The following BBS9 variants were observed in gnomAD, a reference collection of about 807,000 sequenced individuals.
BBS9 encodes the protein Bardet-Biedl syndrome 9, also known as protein PTHB1.
In BBS9, 89 loss-of-function variants were observed where a neutral mutation model predicts 117.7. That is an observed-to-expected ratio of 0.76 (90% CI 0.64 to 0.90). BBS9 has a LOEUF of 0.90. Ranked by LOEUF, BBS9 falls within the 40% of genes least tolerant of loss-of-function variation. The pLI is 0.00. For missense variants in BBS9, 982 were observed against 1,042.2 expected (o/e 0.94, Z 0.80); for synonymous variants, 379 against 370.9 (o/e 1.02, Z -0.25).
intron 1 of BBS9, among the ~76,000 whole-genome samples, chr7:33,135,885 GT>G (rs1790379314): frequency 6.6e-6 from 1 of 151,082 alleles, no homozygotes; most frequent in African/African-American, 2.4e-5. Context: ...CAGAGTATAA[GT>G]TTTACACTTC....
chr7:33,590,906 G>A (rs1041089786), intron 21 of BBS9, among the ~76,000 whole-genome samples: 4 of 151,960 alleles, frequency 2.6e-5, no homozygotes, highest in East Asian at 1.9e-4. Context: ...AAATTCTGAC[G>A]GTTTAGCTCC....
intron 9 of BBS9, among the ~76,000 whole-genome samples, chr7:33,279,916 C>G (rs958314720): frequency 6.6e-6 from 1 of 152,080 alleles, no homozygotes; most frequent in African/African-American, 2.4e-5. Flanking sequence ...CTGGAGATAT[C>G]AAATAAATAT....
At chr7:33,319,136 C>G (rs1199461716) in intron 9 of BBS9, among the ~76,000 whole-genome samples, 2 of 150,236 alleles carry the variant, frequency 1.3e-5, no homozygotes, top group African/African-American at 4.9e-5. Flanking sequence ...GCCCTCCAGC[C>G]TGGGTGACAG....
At chr7:33,193,413 T>C (rs980817297) in intron 5 of BBS9, among the ~76,000 whole-genome samples, 3 of 134,888 alleles carry the variant, frequency 2.2e-5, no homozygotes, top group African/African-American at 8.1e-5. Flanking sequence ...CCCCTGTCCC[T>C]CTCTCTGCCT....
intron 20 of BBS9, among the ~76,000 whole-genome samples, chr7:33,521,542 G>C (rs1221001687): frequency 6.6e-6 from 1 of 152,054 alleles, no homozygotes; most frequent in East Asian, 1.9e-4. Flanking sequence ...AATGGTACTG[G>C]GGAATGAGAG....
At chr7:33,406,313 A>G (rs183336588) in intron 19 of BBS9, among the ~76,000 whole-genome samples, 1 of 152,240 alleles carries the variant, frequency 6.6e-6, no homozygotes, top group East Asian at 1.9e-4. Context: ...GAAAATATAT[A>G]TTCTGTTGAT....
At chr7:33,375,325 C>A (rs952621235) in intron 17 of BBS9, among the ~76,000 whole-genome samples, 3 of 152,050 alleles carry the variant, frequency 2.0e-5, no homozygotes, top group Non-Finnish European at 2.9e-5. Context: ...ATTTCAAGGG[C>A]ACGTTTTAAA....
At chr7:33,295,740 A>C (rs1805122833) in intron 9 of BBS9, among the ~76,000 whole-genome samples, 1 of 152,044 alleles carries the variant, frequency 6.6e-6, no homozygotes, top group Non-Finnish European at 1.5e-5. Context: ...ATATATTGCA[A>C]TGTGATTTAA....
intron 9 of BBS9, among the ~76,000 whole-genome samples, chr7:33,298,729 C>G (rs1169056836): frequency 6.6e-6 from 1 of 152,054 alleles, no homozygotes; most frequent in African/African-American, 2.4e-5. Context: ...GCAACAAGTT[C>G]AAACAGTTCA....
intron 9 of BBS9, among the ~76,000 whole-genome samples, chr7:33,314,897 G>C (rs1368612389): frequency 1.3e-5 from 2 of 152,178 alleles, no homozygotes; most frequent in Non-Finnish European, 2.9e-5. Flanking sequence ...TAGTAAGACT[G>C]GCTTTGGGAG....
chr7:33,622,808 G>A (rs1337082347), intron 21 of BBS9, among the ~76,000 whole-genome samples: 1 of 152,206 alleles, frequency 6.6e-6, no homozygotes, highest in Non-Finnish European at 1.5e-5. Flanking sequence ...AGATAATATT[G>A]CAGATCAGTG....
intron 21 of BBS9, among the ~76,000 whole-genome samples, chr7:33,595,372 CA>C (rs1403732185): frequency 6.6e-6 from 1 of 152,064 alleles, no homozygotes; most frequent in African/African-American, 2.4e-5. Flanking sequence ...AAAAAGTGGG[CA>C]AAGGATACAG....
At chr7:33,470,130 A>T (rs7785012) in intron 19 of BBS9, among the ~76,000 whole-genome samples, 1 of 152,064 alleles carries the variant, frequency 6.6e-6, no homozygotes, top group Non-Finnish European at 1.5e-5. Context: ...GCCTGGGGTC[A>T]TGGCAGGTCC....
intron 19 of BBS9, among the ~76,000 whole-genome samples, chr7:33,403,570 G>GT (rs1173235912): frequency 1.4e-5 from 2 of 147,694 alleles, no homozygotes; most frequent in East Asian, 2.0e-4. Context: ...GTGGTGTTTG[G>GT]TTTTTTGTCC....
chr7:33,259,341 G>T (rs184547109), intron 6 of BBS9, among the ~76,000 whole-genome samples: 1 of 152,058 alleles, frequency 6.6e-6, no homozygotes, highest in Non-Finnish European at 1.5e-5. Flanking sequence ...TTCAGTGTAC[G>T]TAGGAGTCAC....
chr7:33,515,725 T>C (rs148065476), intron 20 of BBS9, among the ~76,000 whole-genome samples: 2,438 of 152,366 alleles, frequency 0.016, 68 homozygotes, highest in African/African-American at 0.054. Context: ...CATAGGTTAG[T>C]GATCTCTGTG....
chr7:33,427,829 T>C (rs1833863011), intron 19 of BBS9, among the ~76,000 whole-genome samples: 1 of 152,214 alleles, frequency 6.6e-6, no homozygotes, highest in Non-Finnish European at 1.5e-5. Flanking sequence ...CCAGCTACTG[T>C]GTAGCTAAGC....
intron 19 of BBS9, among the ~76,000 whole-genome samples, chr7:33,428,218 C>T (rs17170229): frequency 0.15 from 23,556 of 152,084 alleles, 2,288 homozygotes; most frequent in South Asian, 0.21. Flanking sequence ...AAATGAAATA[C>T]CCAAGTAAAT....
intron 5 of BBS9, among the ~76,000 whole-genome samples, chr7:33,255,366 A>G (rs563199436): frequency 2.2e-5 from 2 of 89,356 alleles, no homozygotes; most frequent in South Asian, 6.8e-4. Context: ...TTTTTTTTGC[A>G]TGTGGATATC....
Sources: allele counts gnomAD v4.1 joint callset (sites outside exome capture counted in the v4.1 genomes callset), GRCh38; gene constraint gnomAD v4.1.1; transcripts MANE v1.5; gene names NCBI Gene and HGNC (gene_info 2026-07-23, HGNC 2026-07-21).